CLASP1: variants seen among roughly 807,000 people sequenced by gnomAD.
CLASP1 encodes the protein cytoplasmic linker associated protein 1.
Under a neutral mutation model 192.3 loss-of-function variants are expected in CLASP1, and 38 were observed. The observed-to-expected ratio is 0.20, with a 90% CI of 0.15 to 0.26. The LOEUF (loss-of-function observed/expected upper bound fraction) is 0.26, where lower values mean the gene tolerates loss of function less well. CLASP1 is among the 10% of genes least tolerant of loss of function. The probability of loss-of-function intolerance (pLI) is 1.00; values close to 1 mark genes in which losing one functional copy is unlikely to be tolerated. For synonymous variants in CLASP1, 691 were observed against 712.8 expected (o/e 0.97, Z 0.49); for missense variants, 1,433 against 1,932.5 (o/e 0.74, Z 4.85).
intron 1 of CLASP1, among the ~76,000 whole-genome samples, chr2:121,635,311 C>T (rs1326964213): frequency 1.3e-5 from 2 of 152,094 alleles, no homozygotes; most frequent in African/African-American, 4.8e-5. Context: ...ACTCTGGCCT[C>T]TCTGATGTTG....
intron 1 of CLASP1, among the ~76,000 whole-genome samples, chr2:121,646,930 C>T (rs2073272954): frequency 6.6e-6 from 1 of 151,184 alleles, no homozygotes; most frequent in Non-Finnish European, 1.5e-5. Context: ...GTCCCAGCTA[C>T]TCGGGAGGCT....
At chr2:121,590,639 CCT>C (rs1248181186) in intron 2 of CLASP1, among the ~76,000 whole-genome samples, 1 of 151,936 alleles carries the variant, frequency 6.6e-6, no homozygotes, top group African/African-American at 2.4e-5. Flanking sequence ...AAAATATGTT[CCT>C]GTTTATACAA....
chr2:121,524,933 G>C (rs981255496), intron 6 of CLASP1, among the ~76,000 whole-genome samples: 24 of 152,232 alleles, frequency 1.6e-4, no homozygotes, highest in African/African-American at 5.8e-4. Flanking sequence ...GATAAGGAAA[G>C]GGCCTGGAGA....
intron 12 of CLASP1, 57 bp downstream of exon 12, chr2:121,459,923 T>C: frequency 6.7e-7 from 1 of 1,499,384 alleles, no homozygotes; most frequent in Non-Finnish European, 9.0e-7. Context: ...GAGACATCTC[T>C]GAAGCTCTGT....
chr2:121,564,461 C>G (rs567310625), intron 2 of CLASP1, among the ~76,000 whole-genome samples: 24 of 152,240 alleles, frequency 1.6e-4, no homozygotes, highest in Admixed American at 1.0e-3. Flanking sequence ...TCAGAAAGGG[C>G]CTTGGTCATC....
chr2:121,494,930 A>T (rs888531537), intron 8 of CLASP1, among the ~76,000 whole-genome samples: 1 of 151,896 alleles, frequency 6.6e-6, no homozygotes, highest in African/African-American at 2.4e-5. Context: ...ACTGAGGCAG[A>T]AGAATCACTT....
rs186026352 is a variant in CLASP1 at position 121,391,210 on chromosome 2, A to C, written c.3124-3304T>G. On this transcript the variant is annotated intron_variant, in intron 30 of 39. Coordinates refer to ENST00000263710, the Ensembl canonical transcript of CLASP1. Reference sequence around the variant, plus strand: ...TAATAATCTAAAATGCAAACAGTGAAGTATGCTGTTTGAAATTAGTACACA... The same window carrying C: ...TAATAATCTAAAATGCAAACAGTGACGTATGCTGTTTGAAATTAGTACACA... 2.0e-5 allele frequency among the ~76,000 whole-genome samples: 3 copies of C among 152,366 alleles called. No homozygotes were observed. The East Asian group carries it at 5.8e-4, about 29-fold the overall frequency.
intron 2 of CLASP1, among the ~76,000 whole-genome samples, chr2:121,561,078 T>C (rs2105304099): frequency 6.6e-6 from 1 of 152,332 alleles, no homozygotes; most frequent in African/African-American, 2.4e-5. Flanking sequence ...AGCTAATTTT[T>C]GTATTTTTAG....
intron 19 of CLASP1, among the ~76,000 whole-genome samples, chr2:121,438,644 G>A (rs1237906480): frequency 3.9e-5 from 6 of 152,014 alleles, no homozygotes; most frequent in East Asian, 1.9e-4. Flanking sequence ...ATTGATTTGC[G>A]TATATTGAAC....
rs185243579 is a variant in CLASP1 at position 121,436,949 on chromosome 2, A to G, written c.1913-6772T>C. On this transcript the variant is annotated intron_variant, in intron 19 of 39. Transcript: ENST00000263710. ...TCAGTTACATTGATTCTACTGCTCAATTTACCCATGCAGTTTATTTTTATT... is the reference window on the plus strand; with the variant it reads ...TCAGTTACATTGATTCTACTGCTCAGTTTACCCATGCAGTTTATTTTTATT... Among the ~76,000 whole-genome samples, 354 of 152,154 alleles carry G rather than the reference A, an allele frequency of 2.3e-3. 1 individual carries two copies. Among genetic ancestry groups the G allele is most frequent in the African/African-American group, 7.4e-3 (305 of 41,488 alleles).
intron 8 of CLASP1, among the ~76,000 whole-genome samples, chr2:121,478,784 C>CCACA (rs1169549632): frequency 3.4e-5 from 1 of 29,610 alleles, no homozygotes; most frequent in East Asian, 8.6e-4. Context: ...CACACACACC[C>CCACA]CACACACACC....
chr2:121,460,274 T>C, intron 11 of CLASP1, 149 bp from the exon 12 acceptor site: 1 of 596,444 alleles, frequency 1.7e-6, no homozygotes, highest in Middle Eastern at 4.6e-4. Flanking sequence ...AGTTAAATAT[T>C]AGCTAATACA....
intron 1 of CLASP1, among the ~76,000 whole-genome samples, chr2:121,644,320 T>C (rs1453480816): frequency 1.3e-5 from 2 of 151,764 alleles, no homozygotes; most frequent in Non-Finnish European, 2.9e-5. Context: ...TCTTCTGTTT[T>C]GTTTCAGACA....
exon 37 of CLASP1, chr2:121,363,230 T>G (rs2066746673): frequency 6.2e-7 from 1 of 1,613,766 alleles, no homozygotes. Context: ...CTCGGCGTAG[T>G]TTTTAAATCT....
chr2:121,345,724 C>T (rs2063367992), intron 39 of CLASP1, among the ~76,000 whole-genome samples: 1 of 152,220 alleles, frequency 6.6e-6, no homozygotes, highest in South Asian at 2.1e-4. Flanking sequence ...CCTCATACAC[C>T]TCTTCCAGCC....
intron 2 of CLASP1, among the ~76,000 whole-genome samples, chr2:121,590,527 T>C (rs1462517812): frequency 2.0e-5 from 3 of 152,330 alleles, no homozygotes; most frequent in East Asian, 3.9e-4. Flanking sequence ...ATCGGTCTTA[T>C]CTAAATATTC....
intron 1 of CLASP1, among the ~76,000 whole-genome samples, chr2:121,608,696 T>C (rs2064784932): frequency 6.6e-6 from 1 of 152,154 alleles, no homozygotes; most frequent in African/African-American, 2.4e-5. Flanking sequence ...GAAATAACAT[T>C]TCATTGTTGT....
chr2:121,470,011 A>G, intron 8 of CLASP1, 51 bp from the exon 9 acceptor site: 3 of 1,313,150 alleles, frequency 2.3e-6, no homozygotes, highest in Non-Finnish European at 3.2e-6. Flanking sequence ...AAAACTATAT[A>G]TACATATATA....
chr2:121,444,074 T>C (rs2083866106), intron 19 of CLASP1, among the ~76,000 whole-genome samples: 1 of 152,210 alleles, frequency 6.6e-6, no homozygotes, highest in African/African-American at 2.4e-5. Flanking sequence ...TAAATTTCAA[T>C]TACTTAAAGC....
Sources: allele counts gnomAD v4.1 joint callset (sites outside exome capture counted in the v4.1 genomes callset), GRCh38; gene constraint gnomAD v4.1.1; transcripts MANE v1.5; gene names NCBI Gene and HGNC (gene_info 2026-07-23, HGNC 2026-07-21).